Variants in USH2A observed in about 807,000 individuals in gnomAD.
USH2A encodes the protein usherin, also known as Usher syndrome 2A (autosomal recessive, mild).
In USH2A, 443 loss-of-function variants were observed where a neutral mutation model predicts 538.9. The ratio of observed to expected loss-of-function variants is 0.82; its 90% confidence interval spans 0.76 to 0.89. USH2A has a LOEUF of 0.89. Among genes scored for constraint, USH2A ranks in the 40% least tolerant of loss-of-function variants. The pLI, the probability that USH2A is intolerant of heterozygous loss-of-function variation, is 0.00. For synonymous variants in USH2A, 2,413 were observed against 2,273.5 expected, an observed-to-expected ratio of 1.06 and a Z score of -1.75; for missense variants, 6,633 against 6,324.8, an observed-to-expected ratio of 1.05 and a Z score of -1.65.
At chr1:215,728,428 C>T (rs749410805) in intron 60 of USH2A, 44 bp from the exon 61 acceptor site, 3 of 1,586,032 alleles carry the variant, frequency 1.9e-6, no homozygotes, top group Non-Finnish European at 2.6e-6. Context: ...CTGCACACTT[C>T]AAAACAAAGT....
At chr1:215,679,740 TA>T (rs969427947) in intron 62 of USH2A, among the ~76,000 whole-genome samples, 20 of 152,174 alleles carry the variant, frequency 1.3e-4, no homozygotes, top group African/African-American at 4.8e-4. Context: ...CTTAAGCAAA[TA>T]ACTGGGTAGG....
chr1:216,156,485 G>A (rs948912334), intron 21 of USH2A, among the ~76,000 whole-genome samples: 2 of 151,608 alleles, frequency 1.3e-5, no homozygotes, highest in African/African-American at 2.4e-5. Flanking sequence ...AAAATAAAGT[G>A]CACTAATTAT....
intron 21 of USH2A, among the ~76,000 whole-genome samples, chr1:216,146,867 C>T (rs891872345): frequency 1.3e-5 from 2 of 152,110 alleles, no homozygotes; most frequent in Admixed American, 6.5e-5. Context: ...AACTTAAAAC[C>T]TCTTCAACTC....
intron 61 of USH2A, among the ~76,000 whole-genome samples, chr1:215,704,512 G>T (rs1659128364): frequency 6.6e-6 from 1 of 152,204 alleles, no homozygotes; most frequent in African/African-American, 2.4e-5. Context: ...AAAAGTCAGA[G>T]TGATGCCAGA....
chr1:216,148,874 C>A lies in USH2A; in HGVS notation c.4627+26378G>T, dbSNP rs1558284686. Among the ~76,000 whole-genome samples the A allele has an allele frequency of 2.6e-5, 4 of 151,898 alleles. No homozygotes were observed. The South Asian group carries it at 8.4e-4, about 32-fold the overall frequency. On this transcript the variant is annotated intron_variant, in intron 21 of 71. Coordinates refer to ENST00000307340, the MANE Select transcript of USH2A (RefSeq NM_206933.4). ...TTTCACTTGGACTGACCCTGACACC[C>A]ATCAAGCTCAGCAAATTACCTAGGC...
intron 13 of USH2A, among the ~76,000 whole-genome samples, chr1:216,245,127 T>C (rs1572086622): frequency 1.3e-5 from 2 of 152,092 alleles, no homozygotes; most frequent in East Asian, 3.9e-4. Context: ...AACCTGAAGG[T>C]AAAAAGAGTG....
At chr1:216,125,221 A>G (rs949294689) in intron 21 of USH2A, among the ~76,000 whole-genome samples, 2 of 144,298 alleles carry the variant, frequency 1.4e-5, no homozygotes, top group African/African-American at 5.3e-5. Context: ...TCATTGAATC[A>G]GCTTTTATTT....
chr1:216,129,069 T>C (rs2102600794), intron 21 of USH2A, among the ~76,000 whole-genome samples: 1 of 152,246 alleles, frequency 6.6e-6, no homozygotes, highest in Middle Eastern at 3.4e-3. Flanking sequence ...TCCAAGCTGC[T>C]GCAAACGACT....
intron 47 of USH2A, among the ~76,000 whole-genome samples, chr1:215,822,358 C>A (rs1571720300): frequency 6.6e-6 from 1 of 151,432 alleles, no homozygotes; most frequent in Non-Finnish European, 1.5e-5. Context: ...AAATTGATTC[C>A]TAGGTATTTT....
Position 216,418,677 on chromosome 1 carries a change from C to A in USH2A, c.488G>T (p.Cys163Phe). Residue 163 changes from cysteine to phenylalanine, a missense_variant and splice_region_variant, in exon 3 of 72, where the codon TGT (cysteine) becomes TTT (phenylalanine). Coordinates refer to ENST00000307340, the MANE Select transcript of USH2A (RefSeq NM_206933.4). ...WLKPEQQGVMCVIEKTVDGQI... is the reference protein window; with the variant it reads ...WLKPEQQGVMFVIEKTVDGQI... ...CCCATCTACTGTCTTTTCTATAACACACCTTAGGAAGCAACCGGAAAAGAG... is the reference window on the plus strand; with the variant it reads ...CCCATCTACTGTCTTTTCTATAACAAACCTTAGGAAGCAACCGGAAAAGAG... 6.2e-7 allele frequency: 1 copy of A among 1,612,898 alleles called. No individual in the cohort carries two copies. The highest frequency in any genetic ancestry group is 8.5e-7 in the Non-Finnish European group (1 of 1,179,296).
At chr1:215,704,456 A>G (rs1216135775) in intron 61 of USH2A, among the ~76,000 whole-genome samples, 1 of 152,206 alleles carries the variant, frequency 6.6e-6, no homozygotes, top group Non-Finnish European at 1.5e-5. Context: ...ATCCTAATGC[A>G]TTGACAGAGT....
chr1:215,934,899 G>T, intron 37 of USH2A, 104 bp from the exon 38 acceptor site: 1 of 1,098,752 alleles, frequency 9.1e-7, no homozygotes, highest in Non-Finnish European at 1.3e-6. Context: ...TACCAAATAG[G>T]TCTGTAACTT....
intron 20 of USH2A, among the ~76,000 whole-genome samples, chr1:216,181,098 T>C (rs1479744549): frequency 1.3e-5 from 2 of 152,148 alleles, no homozygotes; most frequent in Non-Finnish European, 2.9e-5. Context: ...ACTTTCTTCT[T>C]TGTTGACAAG....
At chr1:215,936,527 A>C (rs573052298) in intron 37 of USH2A, among the ~76,000 whole-genome samples, 1 of 152,198 alleles carries the variant, frequency 6.6e-6, no homozygotes, top group Non-Finnish European at 1.5e-5. Context: ...TTTACATTGC[A>C]GTGCTATTGT....
chr1:215,941,943 T>C (rs1025902175), intron 37 of USH2A, among the ~76,000 whole-genome samples: 1 of 152,088 alleles, frequency 6.6e-6, no homozygotes, highest in African/African-American at 2.4e-5. Flanking sequence ...TGTCATGGTA[T>C]CACCACGAAC....
chr1:216,300,741 G>GTT lies in USH2A; in HGVS notation c.1645-8373_1645-8372dup, dbSNP rs531354825. On this transcript the variant is annotated intron_variant, in intron 9 of 71. Transcript: ENST00000307340. ...CAACTCCACTCCTGATAGACTCAAT[G>GTT]TTTTTTTTTTTTTTTTTTTGGAGAT... 9.9e-4 allele frequency among the ~76,000 whole-genome samples: 115 copies of GTT among 116,490 alleles called. 2 individuals carry two copies. Among genetic ancestry groups the GTT allele is most frequent in the African/African-American group, 2.6e-3 (81 of 31,066 alleles). The allele number at this position is 116,490 out of a possible 152,430, so 76.4% of individuals were successfully genotyped here. A position where few individuals can be genotyped will look rare whatever the true frequency, so the allele number is the denominator to read the frequency against.
chr1:216,024,407 C>T (rs1668915050), intron 32 of USH2A, among the ~76,000 whole-genome samples: 1 of 151,932 alleles, frequency 6.6e-6, no homozygotes, highest in Non-Finnish European at 1.5e-5. Flanking sequence ...AAGGAGAATG[C>T]ATTATACAGG....
chr1:215,983,642 C>T (rs567214542), intron 35 of USH2A, among the ~76,000 whole-genome samples: 11 of 152,160 alleles, frequency 7.2e-5, no homozygotes, highest in Admixed American at 7.2e-4. Context: ...CACACACACA[C>T]AAAAAACACC....
Position 216,041,504 on chromosome 1 carries a change from G to A in USH2A, c.6325+4927C>T, listed in dbSNP as rs374110279. 3.9e-4 allele frequency among the ~76,000 whole-genome samples: 60 copies of A among 152,164 alleles called. 1 individual carries two copies. The South Asian group carries it at 0.011, about 28-fold the overall frequency. ...TGGCAAACCCTACGGGAAGAATGTC[G>A]ATTCTATATGGAAACCTAAAGGGAA... On this transcript the variant is annotated intron_variant, in intron 32 of 71. Transcript: ENST00000307340.
Sources: gnomAD v4.1 joint callset for allele counts (sites outside exome capture counted in the v4.1 genomes callset) on GRCh38, gnomAD v4.1.1 for gene constraint, MANE v1.5 for transcripts, NCBI Gene and HGNC (gene_info 2026-07-23, HGNC 2026-07-21) for gene names.